The following AUTS2 variants were observed in gnomAD, a reference collection of about 807,000 sequenced individuals.
AUTS2 encodes activator of transcription and developmental regulator AUTS2.
A neutral mutation model predicts 112.4 loss-of-function variants in AUTS2; 17 were observed. That is an observed-to-expected ratio of 0.15 (90% CI 0.10 to 0.23). AUTS2 has a LOEUF of 0.23. AUTS2 is among the 10% of genes least tolerant of loss of function. The pLI is 1.00. For synonymous variants in AUTS2, 751 were observed against 702.7 expected, an observed-to-expected ratio of 1.07 and a Z score of -1.09; for missense variants, 1,510 against 1,701.6, an observed-to-expected ratio of 0.89 and a Z score of 1.98.
intron 1 of AUTS2, 119 bp from the exon 2 acceptor site, chr7:69,899,167 A>G: frequency 1.4e-6 from 1 of 720,694 alleles, no homozygotes; most frequent in Non-Finnish European, 2.3e-6. Context: ...CTCATATCCC[A>G]CTTTCCTATC....
At chr7:70,768,092 C>T (rs751987087) in intron 10 of AUTS2, 24 bp downstream of exon 10, 2 of 1,588,068 alleles carry the variant, frequency 1.3e-6, no homozygotes, top group Middle Eastern at 1.7e-4. Context: ...CCATGCTACA[C>T]ATTGAATGTA....
At chr7:70,215,472 G>A (rs1467032425) in intron 4 of AUTS2, among the ~76,000 whole-genome samples, 1 of 152,166 alleles carries the variant, frequency 6.6e-6, no homozygotes, top group Non-Finnish European at 1.5e-5. Context: ...AAGAATGTTA[G>A]GGGCTGACTC....
At chr7:70,334,133 G>A (rs1304401522) in intron 4 of AUTS2, among the ~76,000 whole-genome samples, 1 of 152,154 alleles carries the variant, frequency 6.6e-6, no homozygotes, top group Non-Finnish European at 1.5e-5. Context: ...ATGTTGAATA[G>A]CTATAGATAA....
chr7:69,624,925 G>A (rs1437436277), intron 1 of AUTS2, among the ~76,000 whole-genome samples: 3 of 143,382 alleles, frequency 2.1e-5, no homozygotes, highest in East Asian at 2.1e-4. Flanking sequence ...TTCTCCCCTC[G>A]GTGCCCCCGC....
chr7:70,101,314 T>C (rs965478242), intron 2 of AUTS2, among the ~76,000 whole-genome samples: 1 of 152,060 alleles, frequency 6.6e-6, no homozygotes, highest in African/African-American at 2.4e-5. Context: ...AAAACCAAAT[T>C]CTTCAGCTCT....
intron 1 of AUTS2, among the ~76,000 whole-genome samples, chr7:69,855,964 A>G (rs930483791): frequency 1.3e-5 from 2 of 151,984 alleles, no homozygotes; most frequent in African/African-American, 4.8e-5. Flanking sequence ...TTTAAGAGTT[A>G]TTTTCTTGGA....
At chr7:70,651,012 T>C (rs1253098573) in intron 5 of AUTS2, among the ~76,000 whole-genome samples, 1 of 152,222 alleles carries the variant, frequency 6.6e-6, no homozygotes, top group Non-Finnish European at 1.5e-5. Flanking sequence ...GAAGATAATG[T>C]TGATAGTAAT....
chr7:70,243,291 A>G (rs1352756593), intron 4 of AUTS2, among the ~76,000 whole-genome samples: 1 of 150,082 alleles, frequency 6.7e-6, no homozygotes, highest in Non-Finnish European at 1.5e-5. Flanking sequence ...ATGAGTATAT[A>G]TATAATATAT....
At chr7:69,914,504 C>T (rs891756218) in intron 2 of AUTS2, among the ~76,000 whole-genome samples, 1 of 151,758 alleles carries the variant, frequency 6.6e-6, no homozygotes, top group Non-Finnish European at 1.5e-5. Context: ...AAAAATTTAT[C>T]CCAAGCAACC....
intron 1 of AUTS2, among the ~76,000 whole-genome samples, chr7:69,878,004 G>A (rs1159910399): frequency 6.6e-6 from 1 of 152,156 alleles, no homozygotes; most frequent in Non-Finnish European, 1.5e-5. Flanking sequence ...CAAGGTAGAA[G>A]TGGCCATGCC....
At chr7:69,745,536 C>A (rs1044741436) in intron 1 of AUTS2, among the ~76,000 whole-genome samples, 1 of 152,190 alleles carries the variant, frequency 6.6e-6, no homozygotes, top group East Asian at 1.9e-4. Context: ...CTTCTCATTA[C>A]GTCTGCAAGC....
At chr7:70,634,553 C>T (rs559515687) in intron 5 of AUTS2, among the ~76,000 whole-genome samples, 60 of 152,152 alleles carry the variant, frequency 3.9e-4, no homozygotes, top group Admixed American at 3.9e-4. Context: ...GAGCTGTTGG[C>T]CTGGCTCCGT....
intron 2 of AUTS2, among the ~76,000 whole-genome samples, chr7:69,978,710 G>A (rs1428642339): frequency 1.3e-5 from 2 of 152,058 alleles, no homozygotes; most frequent in Non-Finnish European, 2.9e-5. Context: ...GCTGGGTGTA[G>A]TGGTATGTGT....
At chr7:70,681,518 T>C (rs1808207200) in intron 5 of AUTS2, among the ~76,000 whole-genome samples, 1 of 135,000 alleles carries the variant, frequency 7.4e-6, no homozygotes, top group South Asian at 2.7e-4. Context: ...TACATATATA[T>C]ATATATATTT....
At chr7:69,992,902 A>G (rs963452967) in intron 2 of AUTS2, among the ~76,000 whole-genome samples, 8 of 152,148 alleles carry the variant, frequency 5.3e-5, no homozygotes, top group Admixed American at 3.3e-4. Context: ...AAGAAAAGAA[A>G]TGTGGTTTCA....
chr7:69,644,441 C>A (rs1794932698), intron 1 of AUTS2, among the ~76,000 whole-genome samples: 1 of 151,308 alleles, frequency 6.6e-6, no homozygotes. Flanking sequence ...TGTTGTAAAG[C>A]CTTGATGGTG....
At chr7:70,291,605 T>C (rs1487554658) in intron 4 of AUTS2, 3 of 152,194 alleles carry the variant, frequency 2.0e-5, no homozygotes, top group Admixed American at 6.5e-5. Context: ...ATGTCCCCAG[T>C]TACAGATTTC....
chr7:70,578,926 CT>C (rs71077663), intron 5 of AUTS2, among the ~76,000 whole-genome samples: 111 of 132,256 alleles, frequency 8.4e-4, no homozygotes, highest in Non-Finnish European at 8.7e-4. Context: ...TTTTTTCTTT[CT>C]TTTTTTTTTT....
intron 4 of AUTS2, among the ~76,000 whole-genome samples, chr7:70,335,554 G>A (rs1790950083): frequency 6.6e-6 from 1 of 152,204 alleles, no homozygotes; most frequent in Non-Finnish European, 1.5e-5. Context: ...TAAGTGCATA[G>A]GCAGAGGAGA....
Sources: gnomAD v4.1 joint callset for allele counts (sites outside exome capture counted in the v4.1 genomes callset) on GRCh38, gnomAD v4.1.1 for gene constraint, MANE v1.5 for transcripts, NCBI Gene and HGNC (gene_info 2026-07-23, HGNC 2026-07-21) for gene names.